The following PLCL1 variants were observed in gnomAD, a reference collection of about 807,000 sequenced individuals.
PLCL1 encodes phospholipase C like 1 (inactive).
A neutral mutation model predicts 84.4 loss-of-function variants in PLCL1; 41 were observed. That is an observed-to-expected ratio of 0.49 (90% CI 0.38 to 0.63). The LOEUF is 0.63. PLCL1 is among the 30% of genes least tolerant of loss of function. The pLI, the probability that PLCL1 is intolerant of heterozygous loss-of-function variation, is 0.00. For synonymous variants in PLCL1, 490 were observed against 488.3 expected, an observed-to-expected ratio of 1.00 and a Z score of -0.05; for missense variants, 1,206 against 1,367.8, an observed-to-expected ratio of 0.88 and a Z score of 1.87.
At position 198,086,035 on chromosome 2, in the gene PLCL1, A is replaced by G. The variant is rs1193365993; in HGVS notation, c.2518A>G (p.Thr840Ala). The G allele has an allele frequency of 1.2e-6, 2 of 1,614,052 alleles. No individual in the cohort carries two copies. The highest frequency in any genetic ancestry group is 1.7e-5 in the Admixed American group (1 of 60,012). The change falls in exon 2 of 6, where the codon ACC becomes GCC. Residue 840 changes from threonine (T) to alanine (A), a missense_variant. Coordinates refer to ENST00000428675, the MANE Select transcript of PLCL1 (RefSeq NM_006226.4). Reference sequence around the variant, plus strand: ...TGTGGGTGACATCATGGAGCACGTAACCCTTTTTGTCCACATAGCAATAAC... The same window carrying G: ...TGTGGGTGACATCATGGAGCACGTAGCCCTTTTTGTCCACATAGCAATAAC... The part of the protein sequence containing the change: ...SFVGDIMEHV[T>A]LFVHIAITNR...
intron 5 of PLCL1, among the ~76,000 whole-genome samples, chr2:198,115,826 T>C (rs1693731985): frequency 6.6e-6 from 1 of 151,676 alleles, no homozygotes. Context: ...ATTATTTCTG[T>C]TTGGCCCCGC....
intron 1 of PLCL1, among the ~76,000 whole-genome samples, chr2:197,960,634 G>A (rs907560308): frequency 1.3e-5 from 2 of 152,100 alleles, no homozygotes; most frequent in Non-Finnish European, 2.9e-5. Context: ...AGGGAAAAGT[G>A]TACAATAATG....
intron 1 of PLCL1, among the ~76,000 whole-genome samples, chr2:198,072,136 A>T (rs1692479330): frequency 6.6e-6 from 1 of 151,612 alleles, no homozygotes. Context: ...TATTTATTTA[A>T]TTTTTCCTTT....
At chr2:197,876,060 A>G (rs1431194421) in intron 1 of PLCL1, among the ~76,000 whole-genome samples, 3 of 152,328 alleles carry the variant, frequency 2.0e-5, no homozygotes, top group Non-Finnish European at 2.9e-5. Context: ...ATGAACACGA[A>G]TAGGCACTAA....
chr2:197,839,074 G>A (rs1236137403), intron 1 of PLCL1, among the ~76,000 whole-genome samples: 3 of 152,116 alleles, frequency 2.0e-5, no homozygotes, highest in Admixed American at 6.5e-5. Context: ...TACAAAAGAA[G>A]AATTTAATAC....
intron 1 of PLCL1, among the ~76,000 whole-genome samples, chr2:197,838,087 G>A (rs1227509788): frequency 1.3e-5 from 2 of 152,186 alleles, no homozygotes; most frequent in Non-Finnish European, 2.9e-5. Flanking sequence ...TTAAGCTAAA[G>A]ATGAAAATAT....
chr2:197,998,175 A>ATGTGTGTGTGTGTGTGTG (rs58332002), intron 1 of PLCL1, among the ~76,000 whole-genome samples: 19 of 131,970 alleles, frequency 1.4e-4, no homozygotes, highest in Admixed American at 7.6e-4. Context: ...GAATGGAGCT[A>ATGTGTGTGTGTGTGTGTG]TGTGTGTGTG....
chr2:197,955,042 A>G (rs780505221), intron 1 of PLCL1, among the ~76,000 whole-genome samples: 1 of 152,092 alleles, frequency 6.6e-6, no homozygotes, highest in Non-Finnish European at 1.5e-5. Flanking sequence ...CTATCAGAAT[A>G]TGCTACATTT....
At chr2:197,831,330 C>A (rs1165031163) in intron 1 of PLCL1, among the ~76,000 whole-genome samples, 1 of 151,668 alleles carries the variant, frequency 6.6e-6, no homozygotes, top group Non-Finnish European at 1.5e-5. Flanking sequence ...GAATATTTAC[C>A]AACCAAATGG....
intron 1 of PLCL1, among the ~76,000 whole-genome samples, chr2:197,905,104 G>A (rs1190891680): frequency 2.6e-5 from 4 of 151,956 alleles, no homozygotes; most frequent in South Asian, 2.1e-4. Context: ...TATACTTTAA[G>A]TTCTGGGATA....
intron 1 of PLCL1, among the ~76,000 whole-genome samples, chr2:197,822,437 AC>A (rs1479005399): frequency 6.6e-6 from 1 of 152,166 alleles, no homozygotes; most frequent in Admixed American, 6.5e-5. Flanking sequence ...TTCTCACATG[AC>A]AGCTCTTGAC....
intron 1 of PLCL1, among the ~76,000 whole-genome samples, chr2:197,923,589 C>G (rs1457514544): frequency 6.8e-6 from 1 of 147,816 alleles, no homozygotes; most frequent in East Asian, 2.1e-4. Context: ...TCCTCACTTC[C>G]TAGATGTGAT....
At chr2:198,138,038 A>G (rs1694299658) in intron 5 of PLCL1, among the ~76,000 whole-genome samples, 2 of 152,186 alleles carry the variant, frequency 1.3e-5, no homozygotes, top group African/African-American at 4.8e-5. Flanking sequence ...GGGCAGTACA[A>G]CATGATGAAA....
intron 1 of PLCL1, among the ~76,000 whole-genome samples, chr2:198,081,491 G>C (rs551716526): frequency 6.6e-6 from 1 of 152,254 alleles, no homozygotes; most frequent in South Asian, 2.1e-4. Context: ...TGTTCTAATA[G>C]ATCATCTGTG....
chr2:197,867,471 A>C (rs1012007945), intron 1 of PLCL1, among the ~76,000 whole-genome samples: 1 of 151,900 alleles, frequency 6.6e-6, no homozygotes, highest in Non-Finnish European at 1.5e-5. Flanking sequence ...CTCTTCGAGG[A>C]GTACTTGGCA....
chr2:197,965,732 G>A (rs920988183), intron 1 of PLCL1, among the ~76,000 whole-genome samples: 4 of 152,080 alleles, frequency 2.6e-5, no homozygotes, highest in Non-Finnish European at 5.9e-5. Flanking sequence ...ATAGGTTTTA[G>A]TATGTTGTGT....
At chr2:197,996,722 G>C (rs1404352519) in intron 1 of PLCL1, among the ~76,000 whole-genome samples, 2 of 151,986 alleles carry the variant, frequency 1.3e-5, no homozygotes, top group Non-Finnish European at 2.9e-5. Context: ...TTAAAAGAAA[G>C]AAAAATAACA....
intron 1 of PLCL1, among the ~76,000 whole-genome samples, chr2:197,941,722 A>G (rs1295587586): frequency 1.3e-5 from 2 of 152,080 alleles, no homozygotes; most frequent in East Asian, 3.9e-4. Context: ...AATTCCCACT[A>G]ATTATGTGGG....
At chr2:198,005,375 C>T (rs1331817410) in intron 1 of PLCL1, among the ~76,000 whole-genome samples, 1 of 152,248 alleles carries the variant, frequency 6.6e-6, no homozygotes, top group Non-Finnish European at 1.5e-5. Context: ...ACAGATCATG[C>T]TCACTCTGTT....
Sources: gnomAD v4.1 joint callset for allele counts (sites outside exome capture counted in the v4.1 genomes callset) on GRCh38, gnomAD v4.1.1 for gene constraint, MANE v1.5 for transcripts, NCBI Gene and HGNC (gene_info 2026-07-23, HGNC 2026-07-21) for gene names.